The following SLC5A10 variants were observed in gnomAD, a reference collection of about 807,000 sequenced individuals.
SLC5A10 encodes the protein sodium/mannose cotransporter SLC5A10.
SLC5A10 carries 55 observed loss-of-function variants against 68.9 expected under a neutral mutation model. The ratio of observed to expected loss-of-function variants is 0.80; its 90% CI spans 0.64 to 1.00. The LOEUF is 1.00. Ranked by LOEUF, SLC5A10 falls within the 50% of genes least tolerant of loss-of-function variation. SLC5A10 has a pLI of 0.00. For synonymous variants in SLC5A10, 344 were observed against 344.8 expected (o/e 1.00, Z 0.02); for missense variants, 732 against 819.3 (o/e 0.89, Z 1.30).
chr17:18,952,094 C>T, upstream of SLC5A10: 3 of 1,471,954 alleles, frequency 2.0e-6, no homozygotes, highest in Non-Finnish European at 1.8e-6. Flanking sequence ...GCTGGAGATG[C>T]CACTGTCCGC....
chr17:18,997,954 G>A (rs564273497), intron 9 of SLC5A10, among the ~76,000 whole-genome samples: 1 of 152,360 alleles, frequency 6.6e-6, no homozygotes, highest in African/African-American at 2.4e-5. Context: ...TGACACTGAG[G>A]AGGAAGGAAC....
At chr17:18,970,035 G>C (rs915950365) in intron 7 of SLC5A10, 1 of 152,316 alleles carries the variant, frequency 6.6e-6, no homozygotes, top group Non-Finnish European at 1.5e-5. Context: ...TCAGACACTG[G>C]GACCCTGTGG....
At chr17:18,963,730 G>A (rs1242135899) in intron 5 of SLC5A10, among the ~76,000 whole-genome samples, 1 of 152,220 alleles carries the variant, frequency 6.6e-6, no homozygotes, top group African/African-American at 2.4e-5. Context: ...AGGGGCACTG[G>A]CCCACAGGAG....
chr17:18,978,139 T>C, intron 9 of SLC5A10: 1 of 1,520,426 alleles, frequency 6.6e-7, no homozygotes, highest in Non-Finnish European at 8.8e-7. Context: ...CCACAGGGAC[T>C]GTCCGGGGCT....
chr17:19,015,025 C>A, intron 10 of SLC5A10, 24 bp from the exon 11 acceptor site: 1 of 1,605,224 alleles, frequency 6.2e-7, no homozygotes, highest in South Asian at 1.1e-5. Flanking sequence ...CGGACAGGGT[C>A]ACACATCCCC....
chr17:19,019,425 T>G lies in SLC5A10; in HGVS notation c.1244T>G (p.Leu415Arg), dbSNP rs764089800. Reference protein sequence around the residue: ...GERELLLVGRLVIVALIGVSV... With the variant: ...GERELLLVGRRVIVALIGVSV... ...GCCTGCCTTCCACTCGCCTGCAGGCTGGTCATAGTGGCACTCATCGGCGTG... is the reference window on the plus strand; with the variant it reads ...GCCTGCCTTCCACTCGCCTGCAGGCGGGTCATAGTGGCACTCATCGGCGTG... The change falls in exon 12 of 15, where the codon CTG becomes CGG. Residue 415 changes from leucine to arginine, a missense_variant and splice_region_variant. Physicochemically the swap from Leu to Arg is moderately radical, Grantham distance 102 (BLOSUM62 -2). Transcript: ENST00000395645. 1.9e-6 allele frequency: 3 copies of G among 1,609,530 alleles called. No homozygotes were observed. Among genetic ancestry groups the G allele is most frequent in the Non-Finnish European group, 2.5e-6 (3 of 1,179,352 alleles).
In SLC5A10 at chr17:18,959,211, G is replaced by A; in HGVS notation, c.260G>A (p.Gly87Asp). The A allele has an allele frequency of 6.2e-7, 1 of 1,613,430 alleles. No homozygotes were observed. Among genetic ancestry groups the A allele is most frequent in the Admixed American group, 1.7e-5 (1 of 60,030 alleles). The change falls in exon 3 of 15, where the codon GGT (glycine) becomes GAT (aspartate). Residue 87 changes from glycine (G) to aspartate (D), a missense_variant. Gly to Asp is a moderately conservative substitution (Grantham distance 94, BLOSUM62 -1). Coordinates refer to ENST00000395645, the MANE Select transcript of SLC5A10 (RefSeq NM_001042450.4). ...CTGGCGGGCTCAGGCGCGGCAGGAG[G>A]TCTGGCCGTGGCAGGCTTCGAGTGG... ...IGLAGSGAAG[G>D]LAVAGFEWNA...
At chr17:18,969,219 T>TC in intron 6 of SLC5A10, 62 bp downstream of exon 6, 2 of 1,580,786 alleles carry the variant, frequency 1.3e-6, no homozygotes, top group African/African-American at 2.7e-5. Context: ...GAAGGCCACC[T>TC]CCCCCTACAG....
In SLC5A10 at chr17:19,003,802, G is replaced by C. The variant is rs1163880560; in HGVS notation, c.983-9608G>C. On this transcript the variant is annotated intron_variant, in intron 9 of 14. Coordinates refer to ENST00000395645, the MANE Select transcript of SLC5A10 (RefSeq NM_001042450.4). This position sits in a 1 kb window ranked among gnomAD's most constrained non-coding sequence, Gnocchi z 4.5. ...CCTGAGAGGGGCCCGTGCCCCGAGG[G>C]TCCTCAGAGCCCGGGTCGTACACCT... 6.2e-7 allele frequency: 1 copy of C among 1,612,622 alleles called. No homozygotes were observed. Among genetic ancestry groups the C allele is most frequent in the Non-Finnish European group, 8.5e-7 (1 of 1,179,780 alleles).
intron 9 of SLC5A10, among the ~76,000 whole-genome samples, chr17:18,992,775 A>AC (rs1221096078): frequency 6.6e-6 from 1 of 151,908 alleles, no homozygotes; most frequent in Non-Finnish European, 1.5e-5. Context: ...CTGCCGAGGG[A>AC]CCCCAACTCC....
intron 9 of SLC5A10, among the ~76,000 whole-genome samples, chr17:19,005,834 T>C (rs1164995113): frequency 6.6e-6 from 1 of 152,128 alleles, no homozygotes; most frequent in Non-Finnish European, 1.5e-5. Context: ...CTACTGAACA[T>C]AGTGGCCCCT....
chr17:18,962,133 T>G (rs2042624896), intron 5 of SLC5A10, among the ~76,000 whole-genome samples: 1 of 152,124 alleles, frequency 6.6e-6, no homozygotes, highest in Non-Finnish European at 1.5e-5. Context: ...GCCACCTCCC[T>G]GGAAACCAGG....
chr17:19,020,102 C>CGCCCCCCCCG, intron 13 of SLC5A10, 53 bp from the exon 14 acceptor site: 1 of 1,098,458 alleles, frequency 9.1e-7, no homozygotes, highest in Non-Finnish European at 1.4e-6. Context: ...GTCTGGGTCA[C>CGCCCCCCCCG]CCCCACCCTG....
At chr17:18,953,332 C>T (rs1163079187) in intron 1 of SLC5A10, among the ~76,000 whole-genome samples, 1 of 152,006 alleles carries the variant, frequency 6.6e-6, no homozygotes, top group Admixed American at 6.6e-5. Flanking sequence ...CAGAGTTTTA[C>T]CGTGTTGGCC....
intron 2 of SLC5A10, 89 bp downstream of exon 2, chr17:18,958,842 C>G (rs2042557647): frequency 6.8e-7 from 1 of 1,479,066 alleles, no homozygotes; most frequent in African/African-American, 1.4e-5. Context: ...TATCTTTGAG[C>G]CAGTCCAATT....
chr17:18,972,009 C>T (rs1464837344), intron 8 of SLC5A10, among the ~76,000 whole-genome samples: 4 of 152,200 alleles, frequency 2.6e-5, no homozygotes, highest in African/African-American at 4.8e-5. Flanking sequence ...TCCTCTATTC[C>T]GACACAGGCC....
intron 9 of SLC5A10, among the ~76,000 whole-genome samples, chr17:19,010,873 A>G (rs1399411000): frequency 6.6e-6 from 1 of 152,152 alleles, no homozygotes; most frequent in Non-Finnish European, 1.5e-5. Context: ...CTGGTCCTGA[A>G]AAACTAATGG....
rs532413908 is a variant in SLC5A10 at position 19,009,343 on chromosome 17, C to A, written c.983-4067C>A. On this transcript the variant is annotated intron_variant, in intron 9 of 14. Coordinates refer to ENST00000395645, the MANE Select transcript of SLC5A10 (RefSeq NM_001042450.4). The stretch of plus-strand genomic sequence containing the variant: ...AATAGCTGAGACTACAGGCACGAAC[C>A]ACCACGCTAATTTTAATGTTTTTGG... 5.3e-5 allele frequency among the ~76,000 whole-genome samples: 8 copies of A among 150,928 alleles called. No homozygotes were observed. In the South Asian group the frequency reaches 1.7e-3, roughly 31 times the overall value.
chr17:18,987,173 A>G (rs1186983003), intron 9 of SLC5A10, among the ~76,000 whole-genome samples: 1 of 152,204 alleles, frequency 6.6e-6, no homozygotes, highest in Non-Finnish European at 1.5e-5. Context: ...TAGGACCACA[A>G]GCCTGAAACC....
Sources: allele counts gnomAD v4.1 joint callset (sites outside exome capture counted in the v4.1 genomes callset), GRCh38; gene constraint gnomAD v4.1.1; non-coding constraint Gnocchi (gnomAD v3.1); transcripts MANE v1.5; gene names NCBI Gene and HGNC (gene_info 2026-07-23, HGNC 2026-07-21).